KIRREL3: variants seen among roughly 807,000 people sequenced by gnomAD.
The protein encoded by KIRREL3 is kin of IRRE-like protein 3.
A neutral mutation model predicts 89.7 loss-of-function variants in KIRREL3; 36 were observed. The observed-to-expected ratio is 0.40, with a 90% CI of 0.31 to 0.53. The LOEUF (loss-of-function observed/expected upper bound fraction) is 0.53, where lower values mean the gene tolerates loss of function less well. Ranked by LOEUF, KIRREL3 falls within the 20% of genes least tolerant of loss-of-function variation. KIRREL3 has a pLI of 0.49. For missense variants in KIRREL3, 864 were observed against 1,056.6 expected, an observed-to-expected ratio of 0.82 and a Z score of 2.53; for synonymous variants, 445 against 441.4, an observed-to-expected ratio of 1.01 and a Z score of -0.10.
At chr11:126,792,130 G>A (rs754105209) in intron 1 of KIRREL3, among the ~76,000 whole-genome samples, 1 of 152,102 alleles carries the variant, frequency 6.6e-6, no homozygotes, top group East Asian at 1.9e-4. Flanking sequence ...AAATAAACCC[G>A]GCTCTGAGGA....
intron 1 of KIRREL3, among the ~76,000 whole-genome samples, chr11:126,680,351 C>A (rs1163268982): frequency 6.6e-6 from 1 of 152,054 alleles, no homozygotes; most frequent in Non-Finnish European, 1.5e-5. Context: ...GGACCGCGTA[C>A]TGATCCATAC....
rs139832968 is a variant in KIRREL3 at position 126,758,051 on chromosome 11, A to G, written c.56-195139T>C. Among the ~76,000 whole-genome samples, 132 of 152,380 alleles carry G rather than the reference A, an allele frequency of 8.7e-4. 1 individual carries two copies. In the East Asian group the frequency reaches 0.021, roughly 25 times the overall value. ...ATAATGACTGATTCCCTAATTAGCC[A>G]GAAAGACTTCCAGTGTCGCCATGTA... On this transcript the variant is annotated intron_variant, in intron 1 of 16. Coordinates refer to ENST00000525144, the MANE Select transcript of KIRREL3 (RefSeq NM_032531.4).
chr11:126,856,263 C>T (rs1166681285), intron 1 of KIRREL3, among the ~76,000 whole-genome samples: 1 of 152,084 alleles, frequency 6.6e-6, no homozygotes, highest in African/African-American at 2.4e-5. Context: ...GGGAACTAAT[C>T]AAAGATAACA....
In KIRREL3 at chr11:126,742,547, C is replaced by T. The variant is rs1434082605; in HGVS notation, c.56-179635G>A. Among the ~76,000 whole-genome samples the T allele has an allele frequency of 6.6e-6, 1 of 152,162 alleles. No homozygotes were observed. The highest frequency in any genetic ancestry group is 2.4e-5 in the African/African-American group (1 of 41,442). ...AGAACTGGAAAGAACAAGAGATTTT[C>T]CCATAAAGCTCCCCTCACCATGGGC... On this transcript the variant is annotated intron_variant, in intron 1 of 16. Transcript: ENST00000525144. The surrounding 1 kb of genome is among the most constrained non-coding windows in gnomAD (Gnocchi z 5.3).
chr11:126,907,548 A>G (rs148298743), intron 1 of KIRREL3, among the ~76,000 whole-genome samples: 353 of 152,288 alleles, frequency 2.3e-3, no homozygotes, highest in Non-Finnish European at 3.7e-3. Context: ...AGCATAAGAG[A>G]ACTTCGGCAA....
chr11:126,584,030 C>T (rs1490155634), intron 1 of KIRREL3, among the ~76,000 whole-genome samples: 1 of 152,198 alleles, frequency 6.6e-6, no homozygotes, highest in Non-Finnish European at 1.5e-5. Context: ...AATGTGTTAG[C>T]TTAACGTAGC....
rs637808 is a variant in KIRREL3 at position 126,635,789 on chromosome 11, G to C, written c.56-72877C>G. ...AATTGTTGTGGTAATCTGAAGAGGC[G>C]ATTGGTATAAAAATACCAGGTAAAA... is the stretch of plus-strand genomic sequence containing the variant. On this transcript the variant is annotated intron_variant, in intron 1 of 16. Coordinates refer to ENST00000525144, the MANE Select transcript of KIRREL3 (RefSeq NM_032531.4). The surrounding 1 kb of genome is among the most constrained non-coding windows in gnomAD (Gnocchi z 4.0). Among the ~76,000 whole-genome samples, 1 of 152,184 alleles carries C rather than the reference G, an allele frequency of 6.6e-6. No individual in the cohort carries two copies. The highest frequency in any genetic ancestry group is 1.9e-4 in the East Asian group (1 of 5,194).
At chr11:126,753,053 A>G (rs1334330847) in intron 1 of KIRREL3, among the ~76,000 whole-genome samples, 1 of 152,184 alleles carries the variant, frequency 6.6e-6, no homozygotes, top group Non-Finnish European at 1.5e-5. Flanking sequence ...CTCCACAAAT[A>G]TTCTACCTTC....
intron 7 of KIRREL3, among the ~76,000 whole-genome samples, chr11:126,452,851 C>A (rs966890459): frequency 6.6e-6 from 1 of 152,266 alleles, no homozygotes; most frequent in East Asian, 1.9e-4. Flanking sequence ...CTCGCCCAGC[C>A]GGTCTTTCTT....
chr11:126,771,903 C>T lies in KIRREL3; in HGVS notation c.56-208991G>A, dbSNP rs1247964166. On this transcript the variant is annotated intron_variant, in intron 1 of 16. Transcript: ENST00000525144. This position sits in a 1 kb window ranked among gnomAD's most constrained non-coding sequence, Gnocchi z 4.4. ...TTCCTTTGTTGACAGGCTGAGCATG[C>T]AGCAATAGAAGACGACGTCCTCTTG... is the stretch of plus-strand genomic sequence containing the variant. 2.6e-5 allele frequency among the ~76,000 whole-genome samples: 4 copies of T among 152,220 alleles called. No individual in the cohort carries two copies. Among genetic ancestry groups the T allele is most frequent in the Non-Finnish European group, 4.4e-5 (3 of 68,038 alleles).
intron 2 of KIRREL3, among the ~76,000 whole-genome samples, chr11:126,534,184 C>T (rs1298975908): frequency 1.3e-5 from 2 of 150,708 alleles, no homozygotes; most frequent in South Asian, 2.1e-4. Flanking sequence ...AAGCCTTGGC[C>T]AGCTGCTGTG....
Position 126,877,072 on chromosome 11 carries a change from G to T in KIRREL3, c.55+123383C>A, listed in dbSNP as rs970632967. Among the ~76,000 whole-genome samples the T allele has an allele frequency of 6.6e-6, 1 of 152,192 alleles. No individual in the cohort carries two copies. The highest frequency in any genetic ancestry group is 6.5e-5 in the Admixed American group (1 of 15,278). On this transcript the variant is annotated intron_variant, in intron 1 of 16. Coordinates refer to ENST00000525144, the MANE Select transcript of KIRREL3 (RefSeq NM_032531.4). This position sits in a 1 kb window ranked among gnomAD's most constrained non-coding sequence, Gnocchi z 4.9. ...GGTTGTGGCGCTTGGCCAAAGCAGG[G>T]CTGGGGACCTCTTGCAGGGCGACGA...
rs1401743162 is a variant in KIRREL3, at chr11:126,989,759, T to C, written c.55+10696A>G. Among the ~76,000 whole-genome samples, 2 of 152,186 alleles carry C rather than the reference T, an allele frequency of 1.3e-5. No homozygotes were observed. The highest frequency in any genetic ancestry group is 3.9e-4 in the East Asian group (2 of 5,166). ...TAGGGCCAACAGGGTTCCCCCGGTG[T>C]CTCTCCTGCAGCATGAAGGCCATTG... On this transcript the variant is annotated intron_variant, in intron 1 of 16. Coordinates refer to ENST00000525144, the MANE Select transcript of KIRREL3 (RefSeq NM_032531.4). This position sits in a 1 kb window ranked among gnomAD's most constrained non-coding sequence, Gnocchi z 6.2.
intron 1 of KIRREL3, among the ~76,000 whole-genome samples, chr11:126,854,469 C>T (rs9943531): frequency 0.85 from 128,677 of 152,164 alleles, 54,594 homozygotes; most frequent in East Asian, 1. Flanking sequence ...TAAGTAGAAC[C>T]ATACAACATT....
intron 1 of KIRREL3, among the ~76,000 whole-genome samples, chr11:126,819,851 G>T (rs2134449549): frequency 6.6e-6 from 1 of 152,346 alleles, no homozygotes; most frequent in South Asian, 2.1e-4. Flanking sequence ...TCCAGGGAGA[G>T]TGTTTAAGAA....
In KIRREL3 at chr11:126,535,237, G is replaced by A. The variant is rs1342818031; in HGVS notation, c.134-8550C>T. Among the ~76,000 whole-genome samples, 1 of 152,034 alleles carries A rather than the reference G, an allele frequency of 6.6e-6. No homozygotes were observed. The highest frequency in any genetic ancestry group is 1.9e-4 in the East Asian group (1 of 5,178). The stretch of plus-strand genomic sequence containing the variant: ...AGCCCCCTCTAGATTTCCCTCCTGC[G>A]CTTACTCCTGCCTCCTGTCAGCCCA... On this transcript the variant is annotated intron_variant, in intron 2 of 16. Transcript: ENST00000525144. This position sits in a 1 kb window ranked among gnomAD's most constrained non-coding sequence, Gnocchi z 4.5.
At position 126,627,018 on chromosome 11, in the gene KIRREL3, A is replaced by AAC. The variant is rs1555164880; in HGVS notation, c.56-64107_56-64106insGT. ...ACTGTCTCAAGAAAAAAAAAAAACAAAAAAAAAAGAATAACCACAGTTTTG... is the reference window on the plus strand; with the variant it reads ...ACTGTCTCAAGAAAAAAAAAAAACAAACAAAAAAAAGAATAACCACAGTTTTG... On this transcript the variant is annotated intron_variant, in intron 1 of 16. Coordinates refer to ENST00000525144, the MANE Select transcript of KIRREL3 (RefSeq NM_032531.4). This position sits in a 1 kb window ranked among gnomAD's most constrained non-coding sequence, Gnocchi z 5.0. 1.3e-3 allele frequency among the ~76,000 whole-genome samples: 73 copies of AAC among 56,600 alleles called. 2 individuals are homozygous for AAC. The highest frequency in any genetic ancestry group is 3.4e-3 in the African/African-American group (73 of 21,498). 37.1% of individuals were successfully genotyped at this position (56,600 alleles called of 152,430 possible).
rs1360145440 is a variant in KIRREL3 at position 126,783,615 on chromosome 11, C to A, written c.55+216840G>T. Among the ~76,000 whole-genome samples, 1 of 152,072 alleles carries A rather than the reference C, an allele frequency of 6.6e-6. No individual in the cohort carries two copies. Among genetic ancestry groups the A allele is most frequent in the Non-Finnish European group, 1.5e-5 (1 of 68,024 alleles). ...CAACAAAATAGTGTTGGAGGATAAT[C>A]CAAAGCAAGTCCATACTGATGTAAA... On this transcript the variant is annotated intron_variant, in intron 1 of 16. Coordinates refer to ENST00000525144, the MANE Select transcript of KIRREL3 (RefSeq NM_032531.4). This position sits in a 1 kb window ranked among gnomAD's most constrained non-coding sequence, Gnocchi z 4.3.
intron 1 of KIRREL3, among the ~76,000 whole-genome samples, chr11:126,971,784 G>A (rs572090893): frequency 9.2e-5 from 14 of 152,250 alleles, no homozygotes; most frequent in African/African-American, 3.1e-4. Context: ...GAAGAGGCAG[G>A]AAAATCTTGC....
Sources: allele counts gnomAD v4.1 joint callset (sites outside exome capture counted in the v4.1 genomes callset), GRCh38; gene constraint gnomAD v4.1.1; non-coding constraint Gnocchi (gnomAD v3.1); transcripts MANE v1.5; gene names NCBI Gene and HGNC (gene_info 2026-07-23, HGNC 2026-07-21).